The following DCDC2C variants were observed in gnomAD, a reference collection of about 807,000 sequenced individuals.
DCDC2C encodes doublecortin domain-containing protein 2C.
Under a neutral mutation model 45.0 loss-of-function variants are expected in DCDC2C, and 44 were observed. The ratio of observed to expected loss-of-function variants is 0.98; its 90% CI spans 0.77 to 1.26. The LOEUF is 1.26. Among genes scored for constraint, DCDC2C ranks in the 50% most tolerant of loss-of-function variants. DCDC2C has a pLI of 0.00. For synonymous variants in DCDC2C, 187 were observed against 178.8 expected, an observed-to-expected ratio of 1.05 and a Z score of -0.37; for missense variants, 447 against 468.9, an observed-to-expected ratio of 0.95 and a Z score of 0.43.
In DCDC2C at chr2:3,703,946, G is replaced by A; in HGVS notation, c.195G>A (p.Thr65=). 7.6e-7 allele frequency: 1 copy of A among 1,323,054 alleles called. No homozygotes were observed. The highest frequency in any genetic ancestry group is 2.0e-5 in the South Asian group (1 of 50,044). 82.0% of individuals were successfully genotyped at this position (1,323,054 alleles called of 1,614,324 possible). A position where few individuals can be genotyped will look rare whatever the true frequency, so the allele number is the denominator to read the frequency against. ...DVPFGVRRLF[T]PTRGHRVLGL... ...CGTTCGGCGTGCGCCGCCTCTTCAC[G>A]CCCACGCGTGGGCACCGGGTGCTGG... Residue 65 remains threonine (T), a synonymous_variant, in exon 1 of 11, where the codon ACG becomes ACA. Coordinates refer to ENST00000399143, the MANE Select transcript of DCDC2C (RefSeq NM_001287444.2). This position sits in a 1 kb window ranked among gnomAD's most constrained non-coding sequence, Gnocchi z 4.4.
chr2:3,740,706 C>T (rs1008464422), intron 3 of DCDC2C, among the ~76,000 whole-genome samples: 3 of 152,114 alleles, frequency 2.0e-5, no homozygotes, highest in Admixed American at 6.5e-5. Context: ...TTGTGGGCAG[C>T]GTCTTAAATA....
rs1018453717 is a variant in DCDC2C at position 3,747,138 on chromosome 2, A to G, written c.545+5090A>G. Among the ~76,000 whole-genome samples, 9 of 152,296 alleles carry G rather than the reference A, an allele frequency of 5.9e-5. No homozygotes were observed. The South Asian group carries it at 1.0e-3, about 18-fold the overall frequency. On this transcript the variant is annotated intron_variant, in intron 4 of 10. Transcript: ENST00000399143. ...CTAATGATGAATGCCAGGGCGGGAC[A>G]CACATGCACGCAGCACACAGCACAC...
rs116645503 is a variant in DCDC2C at position 3,731,793 on chromosome 2, A to G, written c.416+4714A>G. ...GCTATGTCTATTAGACTGATTTCCCATGAACTGTCGTGTTCTTGAGCTCAC... is the reference window on the plus strand; with the variant it reads ...GCTATGTCTATTAGACTGATTTCCCGTGAACTGTCGTGTTCTTGAGCTCAC... On this transcript the variant is annotated intron_variant, in intron 3 of 10. Transcript: ENST00000399143. Among the ~76,000 whole-genome samples the G allele has an allele frequency of 8.9e-3, 1,362 of 152,198 alleles. 22 individuals carry two copies. The highest frequency in any genetic ancestry group is 0.031 in the African/African-American group (1,277 of 41,506).
chr2:3,799,884 G>C (rs112403338), intron 10 of DCDC2C, among the ~76,000 whole-genome samples: 15,106 of 152,286 alleles, frequency 0.099, 994 homozygotes, highest in East Asian at 0.29. Context: ...CTTGAGCTGT[G>C]ATGGGCTCCA....
intron 5 of DCDC2C, among the ~76,000 whole-genome samples, chr2:3,754,319 C>T (rs1292627590): frequency 1.3e-5 from 2 of 152,230 alleles, no homozygotes; most frequent in African/African-American, 4.8e-5. Flanking sequence ...GGGATGCCTG[C>T]ACTTGCAAAG....
intron 6 of DCDC2C, among the ~76,000 whole-genome samples, chr2:3,766,134 G>T (rs1670005598): frequency 6.6e-6 from 1 of 152,050 alleles, no homozygotes; most frequent in Non-Finnish European, 1.5e-5. Context: ...TGCCCGGGGT[G>T]GTGGGGGCTG....
chr2:3,707,139 A>C (rs1290078398), intron 1 of DCDC2C, among the ~76,000 whole-genome samples: 1 of 152,152 alleles, frequency 6.6e-6, no homozygotes, highest in East Asian at 1.9e-4. Context: ...AGGCTTCTCT[A>C]TGTGCCTGAG....
intron 8 of DCDC2C, among the ~76,000 whole-genome samples, chr2:3,775,656 G>C (rs1572607472): frequency 1.8e-5 from 1 of 55,192 alleles, no homozygotes; most frequent in Non-Finnish European, 3.2e-5. Context: ...AGCTGTGGCT[G>C]TGGGCTAGGC....
intron 2 of DCDC2C, among the ~76,000 whole-genome samples, chr2:3,715,766 A>T (rs777075467): frequency 3.3e-5 from 5 of 152,240 alleles, no homozygotes; most frequent in Non-Finnish European, 7.3e-5. Context: ...TGTACCAGGT[A>T]CTATTTGAAG....
intron 10 of DCDC2C, among the ~76,000 whole-genome samples, chr2:3,840,309 C>T (rs1672181846): frequency 6.6e-6 from 1 of 152,218 alleles, no homozygotes; most frequent in Non-Finnish European, 1.5e-5. Context: ...CTGTCACCTC[C>T]TAAATCTCAT....
rs147819975 is a variant in DCDC2C at position 3,720,264 on chromosome 2, G to A, written c.340-6739G>A. 9.1e-4 allele frequency among the ~76,000 whole-genome samples: 138 copies of A among 152,330 alleles called. 2 individuals carry two copies. The highest frequency in any genetic ancestry group is 3.1e-3 in the African/African-American group (129 of 41,560). ...CTGTGAGGACGTAGCAAAACGTTGT[G>A]GTTTGAAGCAAGAGTCAGCTGCGGA... On this transcript the variant is annotated intron_variant, in intron 2 of 10. Coordinates refer to ENST00000399143, the MANE Select transcript of DCDC2C (RefSeq NM_001287444.2).
At chr2:3,719,674 C>T (rs77406602) in intron 2 of DCDC2C, among the ~76,000 whole-genome samples, 1 of 152,160 alleles carries the variant, frequency 6.6e-6, no homozygotes, top group Non-Finnish European at 1.5e-5. Flanking sequence ...GGACACTCCC[C>T]GTGTTCTAAA....
intron 5 of DCDC2C, among the ~76,000 whole-genome samples, chr2:3,753,911 C>T (rs1422876167): frequency 1.3e-5 from 2 of 152,298 alleles, no homozygotes; most frequent in East Asian, 1.9e-4. Flanking sequence ...ATGCCTGGCA[C>T]ACATGGATAT....
At chr2:3,804,052 A>G (rs1261344512) in intron 10 of DCDC2C, among the ~76,000 whole-genome samples, 1 of 152,214 alleles carries the variant, frequency 6.6e-6, no homozygotes, top group Non-Finnish European at 1.5e-5. Flanking sequence ...TATTAACATA[A>G]TTGGAGGTAT....
intron 10 of DCDC2C, among the ~76,000 whole-genome samples, chr2:3,804,558 A>G (rs1222245597): frequency 1.3e-5 from 2 of 152,206 alleles, no homozygotes; most frequent in Non-Finnish European, 2.9e-5. Flanking sequence ...ATTATCATCA[A>G]TATTTACTGA....
At chr2:3,725,035 C>T (rs964613076) in intron 2 of DCDC2C, among the ~76,000 whole-genome samples, 2 of 151,980 alleles carry the variant, frequency 1.3e-5, no homozygotes, top group African/African-American at 4.8e-5. Context: ...GGATTAGCAG[C>T]GTTAGGTGTG....
chr2:3,735,499 A>G (rs1477145350), intron 3 of DCDC2C, among the ~76,000 whole-genome samples: 1 of 151,922 alleles, frequency 6.6e-6, no homozygotes, highest in Non-Finnish European at 1.5e-5. Flanking sequence ...CACCTGAGTA[A>G]CTTTCAGAAC....
At chr2:3,766,912 A>T (rs1010755808) in intron 6 of DCDC2C, among the ~76,000 whole-genome samples, 1 of 152,230 alleles carries the variant, frequency 6.6e-6, no homozygotes, top group African/African-American at 2.4e-5. Context: ...ATGGTGCCAA[A>T]GCTTCACGCG....
intron 4 of DCDC2C, among the ~76,000 whole-genome samples, chr2:3,746,829 G>A (rs772055955): frequency 1.3e-5 from 2 of 152,172 alleles, no homozygotes; most frequent in East Asian, 1.9e-4. Context: ...AGCAGAAGGC[G>A]TTGAGAGGAG....
Sources: allele counts gnomAD v4.1 joint callset (sites outside exome capture counted in the v4.1 genomes callset), GRCh38; gene constraint gnomAD v4.1.1; non-coding constraint Gnocchi (gnomAD v3.1); transcripts MANE v1.5; gene names NCBI Gene and HGNC (gene_info 2026-07-23, HGNC 2026-07-21).